The following GNB1L variants were observed in gnomAD, a reference collection of about 807,000 sequenced individuals.
The protein encoded by GNB1L is guanine nucleotide-binding protein subunit beta-like protein 1.
GNB1L carries 20 observed loss-of-function variants against 29.1 expected under a neutral mutation model. The observed-to-expected ratio is 0.69, with a 90% confidence interval of 0.48 to 1.00. GNB1L has a LOEUF of 1.00. GNB1L is among the 50% of genes least tolerant of loss of function. GNB1L has a pLI of 0.00. For synonymous variants in GNB1L, 193 were observed against 206.5 expected (o/e 0.93, Z 0.56); for missense variants, 421 against 464.9 (o/e 0.91, Z 0.87).
chr22:19,795,719 A>T (rs1314524703), intron 7 of GNB1L, among the ~76,000 whole-genome samples: 1 of 152,278 alleles, frequency 6.6e-6, no homozygotes, highest in Non-Finnish European at 1.5e-5. Context: ...AGTCAAAGCC[A>T]ATGAGACTGA....
intron 7 of GNB1L, among the ~76,000 whole-genome samples, chr22:19,796,397 C>A (rs963311306): frequency 6.6e-6 from 1 of 152,232 alleles, no homozygotes; most frequent in Non-Finnish European, 1.5e-5. Context: ...TGCAGCGGGG[C>A]ATCTGACAAC....
At chr22:19,797,619 C>T (rs1937321649) in intron 7 of GNB1L, among the ~76,000 whole-genome samples, 1 of 152,152 alleles carries the variant, frequency 6.6e-6, no homozygotes, top group Non-Finnish European at 1.5e-5. Flanking sequence ...CAGCCCTCAC[C>T]CTGGCCTGGG....
chr22:19,828,759 G>A (rs1937641411), intron 2 of GNB1L, among the ~76,000 whole-genome samples: 1 of 151,400 alleles, frequency 6.6e-6, no homozygotes, highest in Non-Finnish European at 1.5e-5. Flanking sequence ...CCTCTATAGA[G>A]CAGAAACGAC....
chr22:19,853,717 C>CT (rs937745027), intron 2 of GNB1L, among the ~76,000 whole-genome samples: 3 of 150,830 alleles, frequency 2.0e-5, no homozygotes, highest in African/African-American at 7.5e-5. Flanking sequence ...TGACCCCCCT[C>CT]TGGGGGGGGG....
At chr22:19,810,866 C>T (rs1178248551) in intron 5 of GNB1L, among the ~76,000 whole-genome samples, 1 of 152,172 alleles carries the variant, frequency 6.6e-6, no homozygotes, top group African/African-American at 2.4e-5. Flanking sequence ...AGATGCTGCC[C>T]CACAGGGAGA....
intron 2 of GNB1L, chr22:19,851,497 G>C (rs369074705): frequency 6.2e-7 from 1 of 1,614,110 alleles, no homozygotes; most frequent in Non-Finnish European, 8.5e-7. Flanking sequence ...GCTGCTGCTC[G>C]AACAGAGCAC....
chr22:19,819,907 A>G (rs1601335485), intron 4 of GNB1L, among the ~76,000 whole-genome samples: 1 of 151,572 alleles, frequency 6.6e-6, no homozygotes, highest in Non-Finnish European at 1.5e-5. Flanking sequence ...AGCACTATAC[A>G]CCCAAGCCCT....
intron 2 of GNB1L, among the ~76,000 whole-genome samples, chr22:19,828,266 A>C (rs1227305754): frequency 6.6e-6 from 1 of 152,260 alleles, no homozygotes; most frequent in Non-Finnish European, 1.5e-5. Context: ...TAGGGGTTGA[A>C]ATACTAATAG....
At position 19,787,375 on chromosome 22, in the gene GNB1L, C is replaced by G. The variant is rs1026269701; in HGVS notation, c.*1334G>C. 9.2e-5 allele frequency: 14 copies of G among 152,710 alleles called. 1 individual carries two copies. The highest frequency in any genetic ancestry group is 1.9e-4 in the Non-Finnish European group (13 of 68,420). 9.5% of individuals were successfully genotyped at this position (152,710 alleles called of 1,614,324 possible). On this transcript the variant is annotated 3_prime_UTR_variant, in exon 8 of 8. Transcript: ENST00000329517. ...CCAAGCTGCAGCGCCCAGTCCAGCCCTCCGTTTGGCAGGTCTGTTCCGGGA... is the reference window on the plus strand; with the variant it reads ...CCAAGCTGCAGCGCCCAGTCCAGCCGTCCGTTTGGCAGGTCTGTTCCGGGA...
At position 19,795,757 on chromosome 22, in the gene GNB1L, G is replaced by A. The variant is rs187755668; in HGVS notation, c.732+6244C>T. Among the ~76,000 whole-genome samples the A allele has an allele frequency of 9.2e-5, 14 of 152,346 alleles. No homozygotes were observed. In the East Asian group the frequency reaches 2.7e-3, roughly 29 times the overall value. Reference sequence around the variant, plus strand: ...CACATGGAAGGTGGCCAGGCTGGGAGCTGAATTCTCAGCAGCCCAGGGAGG... The same window carrying A: ...CACATGGAAGGTGGCCAGGCTGGGAACTGAATTCTCAGCAGCCCAGGGAGG... On this transcript the variant is annotated intron_variant, in intron 7 of 7. Coordinates refer to ENST00000329517, the MANE Select transcript of GNB1L (RefSeq NM_053004.3).
rs1937570078 is a variant in GNB1L at position 19,820,603 on chromosome 22, G to A, written c.249C>T (p.Leu83=). The change falls in exon 4 of 8, where the codon CTC becomes CTT. Residue 83 remains leucine (L), a synonymous_variant. Coordinates refer to ENST00000329517, the MANE Select transcript of GNB1L (RefSeq NM_053004.3). ...CCTGCACCTTGGAGACCCACCTGAG[G>A]AGCTGGCGCCCCTGGGGCAGCGTCT... ...WLQTLPQGRQ[L]LSQGRDLKLC... The A allele has an allele frequency of 1.2e-6, 2 of 1,612,032 alleles. No individual in the cohort carries two copies. Among genetic ancestry groups the A allele is most frequent in the East Asian group, 2.2e-5 (1 of 44,866 alleles).
intron 7 of GNB1L, chr22:19,792,572 T>C: frequency 6.3e-7 from 1 of 1,592,164 alleles, no homozygotes; most frequent in Admixed American, 1.7e-5. Flanking sequence ...AAACAGCTAC[T>C]CAGCTGCTTA....
intron 2 of GNB1L, among the ~76,000 whole-genome samples, chr22:19,853,345 G>A (rs1321272558): frequency 1.3e-5 from 2 of 152,044 alleles, no homozygotes; most frequent in Non-Finnish European, 2.9e-5. Flanking sequence ...CCTTCTCCAC[G>A]CAGCAGTCAC....
intron 6 of GNB1L, among the ~76,000 whole-genome samples, chr22:19,802,597 C>T (rs536083860): frequency 2.2e-4 from 33 of 152,330 alleles, no homozygotes; most frequent in African/African-American, 7.2e-4. Context: ...TGAGTGCTGC[C>T]GACCCTCTCC....
intron 4 of GNB1L, among the ~76,000 whole-genome samples, chr22:19,820,355 C>T (rs1937568120): frequency 1.3e-5 from 2 of 152,220 alleles, no homozygotes; most frequent in African/African-American, 2.4e-5. Context: ...CCTGGCACCT[C>T]CTGGCTCCAG....
intron 7 of GNB1L, among the ~76,000 whole-genome samples, chr22:19,794,602 T>C (rs1290984505): frequency 1.3e-5 from 2 of 152,148 alleles, no homozygotes; most frequent in Non-Finnish European, 2.9e-5. Context: ...AAAATAAGTA[T>C]AGAGGTGTTA....
At chr22:19,821,870 C>T (rs1205037039) in intron 2 of GNB1L, among the ~76,000 whole-genome samples, 9 of 152,226 alleles carry the variant, frequency 5.9e-5, no homozygotes, top group Non-Finnish European at 8.8e-5. Context: ...CCGGGACTGC[C>T]GGTCCTGCCA....
At chr22:19,819,329 G>A (rs1937559910) in intron 4 of GNB1L, among the ~76,000 whole-genome samples, 1 of 152,254 alleles carries the variant, frequency 6.6e-6, no homozygotes, top group Non-Finnish European at 1.5e-5. Context: ...CAGGAGGATG[G>A]TGCGACAGCC....
At chr22:19,844,128 T>C (rs1006739380) in intron 2 of GNB1L, among the ~76,000 whole-genome samples, 2 of 152,126 alleles carry the variant, frequency 1.3e-5, no homozygotes, top group African/African-American at 4.8e-5. Context: ...GGTGCCTACA[T>C]GCTGAACCCC....
Sources: gnomAD v4.1 joint callset for allele counts (sites outside exome capture counted in the v4.1 genomes callset) on GRCh38, gnomAD v4.1.1 for gene constraint, MANE v1.5 for transcripts, NCBI Gene and HGNC (gene_info 2026-07-23, HGNC 2026-07-21) for gene names.